Variants in TRIP12 observed in about 807,000 individuals in gnomAD.
The protein encoded by TRIP12 is thyroid hormone receptor interactor 12, also known as E3 ubiquitin-protein ligase TRIP12.
A neutral mutation model predicts 244.2 loss-of-function variants in TRIP12; 25 were observed. The ratio of observed to expected loss-of-function variants is 0.10; its 90% CI spans 0.07 to 0.14. The LOEUF is 0.14. TRIP12 is among the 10% of genes least tolerant of loss of function. The probability of loss-of-function intolerance (pLI) is 1.00; values close to 1 mark genes in which losing one functional copy is unlikely to be tolerated. For missense variants in TRIP12, 1,677 were observed against 2,486.4 expected (o/e 0.67, Z 6.92); for synonymous variants, 905 against 873.1 (o/e 1.04, Z -0.64).
chr2:229,838,081 T>C (rs1191661889), intron 5 of TRIP12, among the ~76,000 whole-genome samples: 1 of 152,172 alleles, frequency 6.6e-6, no homozygotes, highest in South Asian at 2.1e-4. Context: ...AAAGTCACAC[T>C]ACAGTAAAGT....
intron 9 of TRIP12, among the ~76,000 whole-genome samples, chr2:229,817,307 A>G (rs1412872005): frequency 6.6e-6 from 1 of 152,236 alleles, no homozygotes; most frequent in East Asian, 1.9e-4. Context: ...CACAAATGTA[A>G]ATGTTTATGT....
intron 4 of TRIP12, among the ~76,000 whole-genome samples, chr2:229,850,295 A>G (rs2058412506): frequency 7.0e-6 from 1 of 143,130 alleles, no homozygotes; most frequent in Admixed American, 6.7e-5. Flanking sequence ...TTCTGTTTAA[A>G]GTTTTTTTAA....
In TRIP12 at chr2:229,765,711, T is replaced by C. The variant is rs539424591; in HGVS notation, c.*1843A>G. The C allele has an allele frequency of 6.6e-6, 1 of 152,250 alleles. No individual in the cohort carries two copies. The highest frequency in any genetic ancestry group is 1.5e-5 in the Non-Finnish European group (1 of 68,034). The allele number at this position is 152,250 out of a possible 1,614,324, so 9.4% of individuals were successfully genotyped here. The stretch of plus-strand genomic sequence containing the variant: ...TCCTTGTGCTTAATTTGCAGGAAGA[T>C]ATCAGAACAGTTGAAAACAAATTGT... On this transcript the variant is annotated 3_prime_UTR_variant, in exon 42 of 42. Coordinates refer to ENST00000675903, the MANE Select transcript of TRIP12 (RefSeq NM_001348323.3).
upstream of TRIP12, among the ~76,000 whole-genome samples, chr2:229,922,903 A>C (rs1347140070): frequency 6.6e-6 from 1 of 152,104 alleles, no homozygotes; most frequent in Non-Finnish European, 1.5e-5. Context: ...CCTCCGCGCG[A>C]AGAGGAAAAC....
At chr2:229,856,355 A>G (rs566128223) in intron 4 of TRIP12, among the ~76,000 whole-genome samples, 2 of 152,352 alleles carry the variant, frequency 1.3e-5, no homozygotes, top group East Asian at 3.9e-4. Flanking sequence ...GATTGGTTTT[A>G]TCAAACCAGC....
chr2:229,831,395 T>C (rs948447289), intron 6 of TRIP12, among the ~76,000 whole-genome samples: 2 of 151,980 alleles, frequency 1.3e-5, no homozygotes, highest in Non-Finnish European at 2.9e-5. Context: ...ATGAAGGAGG[T>C]TGGGCATGGT....
At chr2:229,856,793 T>C (rs1464719079) in intron 4 of TRIP12, among the ~76,000 whole-genome samples, 1 of 152,222 alleles carries the variant, frequency 6.6e-6, no homozygotes, top group African/African-American at 2.4e-5. Context: ...GGTTGTCCTT[T>C]TAACTTGGAC....
intron 2 of TRIP12, among the ~76,000 whole-genome samples, chr2:229,873,601 C>T (rs2063070693): frequency 6.6e-6 from 1 of 152,158 alleles, no homozygotes; most frequent in Admixed American, 6.5e-5. Context: ...TTAACACAGA[C>T]TTTTCTCTGA....
intron 1 of TRIP12, among the ~76,000 whole-genome samples, chr2:229,893,635 T>G (rs1440619593): frequency 6.6e-6 from 1 of 152,186 alleles, no homozygotes; most frequent in Non-Finnish European, 1.5e-5. Context: ...TTTATCAATA[T>G]TTTTACTTTC....
At chr2:229,831,190 T>A in intron 6 of TRIP12, 1 of 692,330 alleles carries the variant, frequency 1.4e-6, no homozygotes, top group Non-Finnish European at 2.6e-6. Flanking sequence ...ATTGTGATTA[T>A]TTAACAGATG....
chr2:229,919,478 A>G (rs2154383823), intron 1 of TRIP12, among the ~76,000 whole-genome samples: 1 of 152,266 alleles, frequency 6.6e-6, no homozygotes, highest in African/African-American at 2.4e-5. Context: ...CTACAAATTT[A>G]CTTTGCCAGG....
At chr2:229,845,643 T>G (rs2057419227) in intron 4 of TRIP12, among the ~76,000 whole-genome samples, 1 of 152,164 alleles carries the variant, frequency 6.6e-6, no homozygotes. Flanking sequence ...AGTATACAAA[T>G]TAATATCTTA....
In TRIP12 at chr2:229,793,152, A is replaced by G. The variant is rs1159604292; in HGVS notation, c.3969-7T>C. The G allele has an allele frequency of 6.2e-7, 1 of 1,603,966 alleles. No homozygotes were observed. The highest frequency in any genetic ancestry group is 8.5e-7 in the Non-Finnish European group (1 of 1,176,660). On this transcript the variant is annotated splice_polypyrimidine_tract_variant and splice_region_variant and intron_variant, in intron 26 of 41. Coordinates refer to ENST00000675903, the MANE Select transcript of TRIP12 (RefSeq NM_001348323.3). Reference sequence around the variant, plus strand: ...TCCTCTGTTGAGAGAAAAGCTCAAGATAATTTGTGAAAAAAAAGTTAGTCT... The same window carrying G: ...TCCTCTGTTGAGAGAAAAGCTCAAGGTAATTTGTGAAAAAAAAGTTAGTCT...
chr2:229,809,665 C>G (rs563758439), intron 15 of TRIP12, among the ~76,000 whole-genome samples: 12 of 152,234 alleles, frequency 7.9e-5, no homozygotes, highest in South Asian at 4.1e-4. Flanking sequence ...AAGAGTTGAA[C>G]CTTTCCCAAT....
intron 30 of TRIP12, 61 bp from the exon 31 acceptor site, chr2:229,789,823 C>A: frequency 2.5e-6 from 4 of 1,574,786 alleles, no homozygotes; most frequent in Non-Finnish European, 3.5e-6. Flanking sequence ...GCCAGTGCAG[C>A]CAAGGTCCTA....
chr2:229,811,552 T>C (rs1278408839), intron 13 of TRIP12, among the ~76,000 whole-genome samples: 1 of 152,182 alleles, frequency 6.6e-6, no homozygotes, highest in East Asian at 1.9e-4. Context: ...CCATTACAAG[T>C]AGAAATGTTT....
At chr2:229,912,648 A>G (rs2074526223) in intron 1 of TRIP12, among the ~76,000 whole-genome samples, 1 of 152,192 alleles carries the variant, frequency 6.6e-6, no homozygotes, top group Non-Finnish European at 1.5e-5. Flanking sequence ...GAACCTCTCT[A>G]AACTTCCAAG....
At chr2:229,789,213 T>C (rs567490738) in intron 31 of TRIP12, among the ~76,000 whole-genome samples, 3 of 152,342 alleles carry the variant, frequency 2.0e-5, no homozygotes, top group African/African-American at 7.2e-5. Context: ...TTGCAGCTAA[T>C]GTTTCATGCA....
chr2:229,912,147 T>C (rs1435385288), intron 1 of TRIP12, among the ~76,000 whole-genome samples: 2 of 152,200 alleles, frequency 1.3e-5, no homozygotes, highest in African/African-American at 4.8e-5. Context: ...GTGTGGGTCA[T>C]TTAGACAATA....
Sources: allele counts gnomAD v4.1 joint callset (sites outside exome capture counted in the v4.1 genomes callset), GRCh38; gene constraint gnomAD v4.1.1; transcripts MANE v1.5; gene names NCBI Gene and HGNC (gene_info 2026-07-23, HGNC 2026-07-21).